The following AGBL4 variants were observed in gnomAD, a reference collection of about 807,000 sequenced individuals.
AGBL4 encodes AGBL carboxypeptidase 4.
In AGBL4, 58 loss-of-function variants were observed where a neutral mutation model predicts 66.4. The ratio of observed to expected loss-of-function variants is 0.87; its 90% CI spans 0.71 to 1.09. The LOEUF (loss-of-function observed/expected upper bound fraction) is 1.09. AGBL4 is among the 50% of genes least tolerant of loss of function. The pLI is 0.00. For missense variants in AGBL4, 579 were observed against 631.0 expected, an observed-to-expected ratio of 0.92 and a Z score of 0.88; for synonymous variants, 234 against 222.9, an observed-to-expected ratio of 1.05 and a Z score of -0.44.
intron 6 of AGBL4, among the ~76,000 whole-genome samples, chr1:48,792,992 A>T (rs144087802): frequency 2.0e-5 from 3 of 152,090 alleles, no homozygotes; most frequent in Non-Finnish European, 4.4e-5. Flanking sequence ...CTACCTACCC[A>T]TGTAGCCCAG....
intron 3 of AGBL4, among the ~76,000 whole-genome samples, chr1:49,537,546 A>T (rs767113683): frequency 1.3e-5 from 2 of 152,232 alleles, no homozygotes; most frequent in Non-Finnish European, 2.9e-5. Flanking sequence ...AGCATAAGAA[A>T]AAAATGTTCA....
chr1:49,658,633 A>G (rs564156155), intron 3 of AGBL4, among the ~76,000 whole-genome samples: 27 of 152,340 alleles, frequency 1.8e-4, no homozygotes, highest in African/African-American at 5.5e-4. Flanking sequence ...GATAGACTGG[A>G]TTAAGAAAAT....
At chr1:49,616,439 C>A (rs1233110008) in intron 3 of AGBL4, among the ~76,000 whole-genome samples, 2 of 152,138 alleles carry the variant, frequency 1.3e-5, no homozygotes, top group Non-Finnish European at 2.9e-5. Context: ...TTGTAGGATT[C>A]TTTGATCTCT....
chr1:48,583,640 C>T (rs1351037508), intron 11 of AGBL4, among the ~76,000 whole-genome samples: 1 of 152,190 alleles, frequency 6.6e-6, no homozygotes, highest in Non-Finnish European at 1.5e-5. Flanking sequence ...AGACAGGTTA[C>T]AGGACTTGCT....
chr1:49,368,341 T>G (rs1399054812), intron 3 of AGBL4, among the ~76,000 whole-genome samples: 1 of 152,230 alleles, frequency 6.6e-6, no homozygotes, highest in Non-Finnish European at 1.5e-5. Context: ...TAAACTGTTT[T>G]CTATAGAAAA....
intron 2 of AGBL4, chr1:49,846,246 G>A (rs1646139600): frequency 6.8e-7 from 1 of 1,464,982 alleles, no homozygotes; most frequent in Non-Finnish European, 9.6e-7. Context: ...CCTTATGAGT[G>A]TCACGATTGT....
intron 3 of AGBL4, among the ~76,000 whole-genome samples, chr1:49,416,244 T>G (rs897414471): frequency 3.9e-5 from 6 of 152,130 alleles, no homozygotes; most frequent in Admixed American, 3.3e-4. Context: ...ATAAAAGGCA[T>G]ATATGCATAT....
chr1:48,650,044 C>T (rs1370008518), intron 8 of AGBL4, among the ~76,000 whole-genome samples: 1 of 152,238 alleles, frequency 6.6e-6, no homozygotes, highest in South Asian at 2.1e-4. Flanking sequence ...AAGCTCCTGC[C>T]TTCCCTTCTC....
chr1:49,651,095 G>A (rs1057027846), intron 3 of AGBL4, among the ~76,000 whole-genome samples: 8 of 152,188 alleles, frequency 5.3e-5, no homozygotes, highest in African/African-American at 1.9e-4. Context: ...GATCTGCCCT[G>A]CAACCACTTT....
At chr1:49,125,696 T>A (rs1645750956) in intron 4 of AGBL4, among the ~76,000 whole-genome samples, 1 of 152,156 alleles carries the variant, frequency 6.6e-6, no homozygotes, top group Admixed American at 6.6e-5. Context: ...ATTCATTTGT[T>A]CCTCACAGTG....
chr1:49,606,407 G>A (rs1050389859), intron 3 of AGBL4, among the ~76,000 whole-genome samples: 7 of 152,094 alleles, frequency 4.6e-5, no homozygotes, highest in African/African-American at 1.7e-4. Flanking sequence ...TCATCTGGGT[G>A]CCTTAATGCT....
At chr1:48,853,483 G>A (rs2148811735) in intron 6 of AGBL4, among the ~76,000 whole-genome samples, 1 of 152,300 alleles carries the variant, frequency 6.6e-6, no homozygotes, top group African/African-American at 2.4e-5. Flanking sequence ...TATGGGTCAT[G>A]TACTTTACTA....
intron 5 of AGBL4, among the ~76,000 whole-genome samples, chr1:48,972,040 G>A (rs1330145663): frequency 2.0e-5 from 3 of 152,150 alleles, no homozygotes; most frequent in Non-Finnish European, 4.4e-5. Context: ...TTGTGTTTGT[G>A]CCTTTGTCCT....
intron 4 of AGBL4, among the ~76,000 whole-genome samples, chr1:49,196,821 T>G (rs1647277932): frequency 6.6e-6 from 1 of 152,028 alleles, no homozygotes; most frequent in African/African-American, 2.4e-5. Flanking sequence ...CTCACTCTTT[T>G]GCCCATTGGT....
At chr1:49,148,667 G>C (rs1646267529) in intron 4 of AGBL4, among the ~76,000 whole-genome samples, 1 of 152,190 alleles carries the variant, frequency 6.6e-6, no homozygotes, top group Non-Finnish European at 1.5e-5. Context: ...TGCCTAACTT[G>C]AAATTTTCTC....
intron 11 of AGBL4, among the ~76,000 whole-genome samples, chr1:48,573,658 T>C (rs1644604181): frequency 6.6e-6 from 1 of 152,202 alleles, no homozygotes; most frequent in Non-Finnish European, 1.5e-5. Flanking sequence ...AAAGCTGTTA[T>C]TTAAGAATCT....
At chr1:49,498,784 A>G (rs1186704499) in intron 3 of AGBL4, among the ~76,000 whole-genome samples, 1 of 151,960 alleles carries the variant, frequency 6.6e-6, no homozygotes, top group Admixed American at 6.6e-5. Context: ...ATGAAAATAC[A>G]TTGAACTTTG....
At chr1:48,633,769 T>C (rs1054456533) in intron 9 of AGBL4, among the ~76,000 whole-genome samples, 2 of 152,258 alleles carry the variant, frequency 1.3e-5, no homozygotes, top group Non-Finnish European at 2.9e-5. Context: ...TTCTCCTGTT[T>C]CTTACAAACA....
chr1:48,570,535 C>T (rs1052269680), intron 11 of AGBL4, among the ~76,000 whole-genome samples: 8 of 151,876 alleles, frequency 5.3e-5, no homozygotes, highest in South Asian at 2.1e-4. Context: ...AAGTTAATAT[C>T]GTGGGTTAAC....
Sources: gnomAD v4.1 joint callset for allele counts (sites outside exome capture counted in the v4.1 genomes callset) on GRCh38, gnomAD v4.1.1 for gene constraint, MANE v1.5 for transcripts, NCBI Gene and HGNC (gene_info 2026-07-23, HGNC 2026-07-21) for gene names.